The following PSEN1 variants were observed in gnomAD, a reference collection of about 807,000 sequenced individuals.
PSEN1 encodes presenilin 1, also known as presenilin-1.
In PSEN1, 15 loss-of-function variants were observed where a neutral mutation model predicts 53.5. That is an observed-to-expected ratio of 0.28 (90% CI 0.19 to 0.43). PSEN1 has a LOEUF of 0.43. Ranked by LOEUF, PSEN1 falls within the 20% of genes least tolerant of loss-of-function variation. The pLI, the probability that PSEN1 is intolerant of heterozygous loss-of-function variation, is 1.00. For missense variants in PSEN1, 387 were observed against 571.2 expected (o/e 0.68, Z 3.29); for synonymous variants, 208 against 209.8 (o/e 0.99, Z 0.08).
intron 5 of PSEN1, among the ~76,000 whole-genome samples, chr14:73,181,129 T>C (rs976481762): frequency 3.9e-5 from 6 of 152,166 alleles, no homozygotes; most frequent in Non-Finnish European, 7.4e-5. Context: ...GAGTAGACTA[T>C]TATTTTGTCA....
intron 3 of PSEN1, among the ~76,000 whole-genome samples, chr14:73,160,446 T>C (rs1897496223): frequency 6.6e-6 from 1 of 152,250 alleles, no homozygotes; most frequent in Non-Finnish European, 1.5e-5. Context: ...CTGGGTCATA[T>C]GGTAGTTTAA....
intron 8 of PSEN1, among the ~76,000 whole-genome samples, chr14:73,204,770 C>T (rs1267382721): frequency 1.3e-5 from 2 of 152,170 alleles, no homozygotes; most frequent in East Asian, 3.8e-4. Context: ...GGTGCAGTGG[C>T]TCATGCCTGT....
chr14:73,154,301 TA>T (rs1897301110), intron 3 of PSEN1, among the ~76,000 whole-genome samples: 1 of 152,074 alleles, frequency 6.6e-6, no homozygotes, highest in South Asian at 2.1e-4. Flanking sequence ...CACACAATTA[TA>T]AACTTAATTG....
chr14:73,192,065 A>G (rs1167267104), intron 6 of PSEN1, among the ~76,000 whole-genome samples: 1 of 152,136 alleles, frequency 6.6e-6, no homozygotes, highest in Admixed American at 6.6e-5. Flanking sequence ...TCCCATTTAT[A>G]TGAATGATAC....
rs142405996 is a variant in PSEN1, at chr14:73,221,733, C to T, written c.*2444C>T. On this transcript the variant is annotated 3_prime_UTR_variant, in exon 12 of 12. Coordinates refer to ENST00000324501, the MANE Select transcript of PSEN1 (RefSeq NM_000021.4). ...TAAATCATTCATCTCAGGCAGAGAA[C>T]TTTTCCCTCAAACATTCTTTTTAGA... 474 of 152,266 alleles carry T rather than the reference C, an allele frequency of 3.1e-3. 3 individuals carry two copies. Among genetic ancestry groups the T allele is most frequent in the African/African-American group, 0.011 (454 of 41,562 alleles). 9.4% of individuals were successfully genotyped at this position (152,266 alleles called of 1,614,324 possible). A position where few individuals can be genotyped will look rare whatever the true frequency, so the allele number is the denominator to read the frequency against.
At chr14:73,188,312 G>A (rs559453059) in intron 6 of PSEN1, among the ~76,000 whole-genome samples, 1 of 152,276 alleles carries the variant, frequency 6.6e-6, no homozygotes, top group South Asian at 2.1e-4. Flanking sequence ...ATCTCTGTAT[G>A]TGCTAAAAGG....
intron 6 of PSEN1, among the ~76,000 whole-genome samples, chr14:73,190,182 T>C (rs1898663254): frequency 6.6e-6 from 1 of 152,186 alleles, no homozygotes; most frequent in African/African-American, 2.4e-5. Context: ...AAAGATAATA[T>C]GCAAGATCTA....
intron 6 of PSEN1, among the ~76,000 whole-genome samples, chr14:73,187,546 T>C (rs920462254): frequency 7.9e-5 from 12 of 152,030 alleles, no homozygotes; most frequent in African/African-American, 2.7e-4. Context: ...AAGAAGCAAA[T>C]ATGAGAATCT....
At chr14:73,185,501 A>G (rs1898471268) in intron 5 of PSEN1, among the ~76,000 whole-genome samples, 1 of 152,216 alleles carries the variant, frequency 6.6e-6, no homozygotes, top group African/African-American at 2.4e-5. Context: ...AGGCTGAGTC[A>G]GGAGAATCAG....
intron 11 of PSEN1, among the ~76,000 whole-genome samples, chr14:73,217,945 G>A (rs1165962409): frequency 6.6e-6 from 1 of 151,520 alleles, no homozygotes; most frequent in South Asian, 2.1e-4. Context: ...CTGCCACCAC[G>A]CCCGGCTAAT....
chr14:73,165,114 A>G (rs1330798246), intron 3 of PSEN1, among the ~76,000 whole-genome samples: 1 of 151,626 alleles, frequency 6.6e-6, no homozygotes, highest in East Asian at 2.0e-4. Flanking sequence ...CCGCCACCAC[A>G]CTGGCTAATT....
At position 73,211,867 on chromosome 14, in the gene PSEN1, C is replaced by A; in HGVS notation, c.1054C>A (p.Arg352Ser). ...GAGGGACAGTCATCTAGGGCCTCATCGCTCTACACCTGAGTCACGAGCTGC... is the reference window on the plus strand; with the variant it reads ...GAGGGACAGTCATCTAGGGCCTCATAGCTCTACACCTGAGTCACGAGCTGC... ...AQRDSHLGPH[R>S]STPESRAAVQ... The change falls in exon 10 of 12, where the codon CGC becomes AGC. Residue 352 changes from arginine (R) to serine (S), a missense_variant. This residue lies in a region of PSEN1 where 75 missense variants were observed against 63.7 expected (regional missense o/e 1.18). Coordinates refer to ENST00000324501, the MANE Select transcript of PSEN1 (RefSeq NM_000021.4). 6.2e-7 allele frequency: 1 copy of A among 1,611,730 alleles called. No individual in the cohort carries two copies. Among genetic ancestry groups the A allele is most frequent in the South Asian group, 1.1e-5 (1 of 90,844 alleles).
At chr14:73,138,808 A>G (rs1450824210) in intron 1 of PSEN1, among the ~76,000 whole-genome samples, 1 of 150,396 alleles carries the variant, frequency 6.6e-6, no homozygotes, top group Non-Finnish European at 1.5e-5. Context: ...AAAATACAAA[A>G]AAAAAAAAAT....
intron 3 of PSEN1, chr14:73,167,679 C>T (rs1897756495): frequency 6.6e-6 from 1 of 151,972 alleles, no homozygotes; most frequent in Admixed American, 6.6e-5. Flanking sequence ...CTCTAATCTT[C>T]AGTCTACACT....
chr14:73,187,023 TTTAA>T, intron 6 of PSEN1, 103 bp downstream of exon 6: 1 of 964,652 alleles, frequency 1.0e-6, no homozygotes, highest in South Asian at 1.3e-5. Flanking sequence ...ACTCTGAAGT[TTTAA>T]TTGTTTCCAC....
chr14:73,166,875 G>C (rs971010745), intron 3 of PSEN1, among the ~76,000 whole-genome samples: 1 of 152,138 alleles, frequency 6.6e-6, no homozygotes, highest in Admixed American at 6.6e-5. Flanking sequence ...GAGAAATCCT[G>C]ACCTCCAGAC....
intron 3 of PSEN1, chr14:73,167,968 C>T (rs1897768853): frequency 6.6e-6 from 1 of 151,970 alleles, no homozygotes; most frequent in Non-Finnish European, 1.5e-5. Context: ...AAACCTGGAA[C>T]TGCAACCCTA....
intron 5 of PSEN1, among the ~76,000 whole-genome samples, chr14:73,177,337 C>A (rs1318124269): frequency 3.3e-5 from 5 of 152,196 alleles, no homozygotes; most frequent in Non-Finnish European, 7.3e-5. Context: ...AATTATCCTT[C>A]ATACCATTTC....
chr14:73,201,008 G>A (rs1311561454), intron 8 of PSEN1, among the ~76,000 whole-genome samples: 1 of 152,108 alleles, frequency 6.6e-6, no homozygotes, highest in African/African-American at 2.4e-5. Context: ...CCATGATCGT[G>A]CCACTGCACT....
Sources: gnomAD v4.1 joint callset for allele counts (sites outside exome capture counted in the v4.1 genomes callset) on GRCh38, gnomAD v4.1.1 for gene constraint, gnomAD v4.1.1 regional missense constraint, MANE v1.5 for transcripts, NCBI Gene and HGNC (gene_info 2026-07-23, HGNC 2026-07-21) for gene names.